Variants in PRDM16 observed in about 807,000 individuals in gnomAD.
PRDM16 encodes PR/SET domain 16, also known as histone-lysine N-methyltransferase PRDM16.
In PRDM16, 23 loss-of-function variants were observed where a neutral mutation model predicts 110.6. The ratio of observed to expected loss-of-function variants is 0.21; its 90% CI spans 0.15 to 0.29. PRDM16 has a LOEUF of 0.29. Ranked by LOEUF, PRDM16 falls within the 10% of genes least tolerant of loss-of-function variation. PRDM16 has a pLI of 1.00. For synonymous variants in PRDM16, 799 were observed against 781.8 expected, an observed-to-expected ratio of 1.02 and a Z score of -0.37; for missense variants, 1,615 against 1,794.3, an observed-to-expected ratio of 0.90 and a Z score of 1.81.
intron 1 of PRDM16, among the ~76,000 whole-genome samples, chr1:3,129,301 AGTGTCCTGCCTGGTGTGTGTGTGGGTGT>A (rs200385056): frequency 0.36 from 52,134 of 144,508 alleles, 9,333 homozygotes; most frequent in Middle Eastern, 0.44. Flanking sequence ...TGTGCGTGTC[AGTGTCCTGCCTGGTGTGTGTGTGGGTGT>A]GTGTCCTGCC....
At chr1:3,394,824 A>G (rs1343767791) in intron 4 of PRDM16, among the ~76,000 whole-genome samples, 1 of 149,642 alleles carries the variant, frequency 6.7e-6, no homozygotes, top group African/African-American at 2.5e-5. Flanking sequence ...TTTAAAAAAG[A>G]GACAATGATT....
chr1:3,222,227 C>T (rs1639167087), intron 2 of PRDM16, among the ~76,000 whole-genome samples: 1 of 151,632 alleles, frequency 6.6e-6, no homozygotes, highest in Admixed American at 6.6e-5. Flanking sequence ...CCCTCCCACC[C>T]ACCCAGCCCA....
intron 3 of PRDM16, among the ~76,000 whole-genome samples, chr1:3,335,214 C>A (rs1213668162): frequency 6.6e-6 from 1 of 152,196 alleles, no homozygotes; most frequent in African/African-American, 2.4e-5. Flanking sequence ...TGAGAGGAAG[C>A]GTGTTTGGGG....
At chr1:3,226,588 T>G (rs920140255) in intron 2 of PRDM16, among the ~76,000 whole-genome samples, 4 of 152,232 alleles carry the variant, frequency 2.6e-5, no homozygotes, top group Non-Finnish European at 4.4e-5. Flanking sequence ...TGTGAGATTT[T>G]CTGCAGAATT....
At chr1:3,267,609 G>A (rs1393125794) in intron 3 of PRDM16, among the ~76,000 whole-genome samples, 1 of 152,184 alleles carries the variant, frequency 6.6e-6, no homozygotes, top group African/African-American at 2.4e-5. Context: ...TTCACATCCC[G>A]GGGTGCCTGT....
chr1:3,357,789 C>A (rs1259265876), intron 3 of PRDM16, among the ~76,000 whole-genome samples: 1 of 152,220 alleles, frequency 6.6e-6, no homozygotes, highest in East Asian at 1.9e-4. Context: ...TTGTGGTTGT[C>A]ACCTCTGGGG....
intron 2 of PRDM16, among the ~76,000 whole-genome samples, chr1:3,200,682 T>C (rs1638601526): frequency 6.6e-6 from 1 of 152,158 alleles, no homozygotes; most frequent in Admixed American, 6.5e-5. Context: ...CTGCGTGGGA[T>C]CTGAAGAACA....
rs1313768737 is a variant in PRDM16, at chr1:3,277,985, T to C, written c.438+33848T>C. 2.0e-5 allele frequency among the ~76,000 whole-genome samples: 3 copies of C among 152,352 alleles called. No homozygotes were observed. The East Asian group carries it at 5.8e-4, about 29-fold the overall frequency. On this transcript the variant is annotated intron_variant, in intron 3 of 16. Coordinates refer to ENST00000270722, the MANE Select transcript of PRDM16 (RefSeq NM_022114.4). ...GGAGCTCTAGGTCAGCGATCATTGC[T>C]AGCAGGCCATGGGACCCTCTCATCT...
chr1:3,399,488 C>G (rs1350330712), intron 5 of PRDM16, among the ~76,000 whole-genome samples: 6 of 152,156 alleles, frequency 3.9e-5, no homozygotes, highest in African/African-American at 1.4e-4. Context: ...CCTGTCCATA[C>G]CACTCAGTAA....
chr1:3,419,232 C>CG (rs1358946485), intron 12 of PRDM16, among the ~76,000 whole-genome samples: 34 of 152,236 alleles, frequency 2.2e-4, no homozygotes, highest in African/African-American at 7.7e-4. Flanking sequence ...TCCCCACCCC[C>CG]CACTTGGAGC....
chr1:3,348,561 G>A (rs888829697), intron 3 of PRDM16, among the ~76,000 whole-genome samples: 4 of 152,232 alleles, frequency 2.6e-5, no homozygotes, highest in South Asian at 2.1e-4. Flanking sequence ...GGACATGCAC[G>A]CTTCTTAAAG....
intron 3 of PRDM16, among the ~76,000 whole-genome samples, chr1:3,360,282 C>T (rs757362931): frequency 1.3e-5 from 2 of 152,222 alleles, no homozygotes; most frequent in Non-Finnish European, 2.9e-5. Flanking sequence ...GGAGCCTGTG[C>T]TGGCTCTTTG....
intron 2 of PRDM16, among the ~76,000 whole-genome samples, chr1:3,231,244 A>G (rs1346979650): frequency 6.6e-6 from 1 of 152,194 alleles, no homozygotes; most frequent in East Asian, 1.9e-4. Context: ...AATCGCCACA[A>G]GAGGCTTTTG....
Position 3,434,054 on chromosome 1 carries a change from A to C in PRDM16, c.*243A>C, listed in dbSNP as rs1638845487. 1 of 470,820 alleles carries C rather than the reference A, an allele frequency of 2.1e-6. No individual in the cohort carries two copies. Among genetic ancestry groups the C allele is most frequent in the African/African-American group, 2.0e-5 (1 of 50,896 alleles). 29.2% of individuals were successfully genotyped at this position (470,820 alleles called of 1,614,324 possible). A position where few individuals can be genotyped will look rare whatever the true frequency, so the allele number is the denominator to read the frequency against. On this transcript the variant is annotated 3_prime_UTR_variant, in exon 17 of 17. Coordinates refer to ENST00000270722, the MANE Select transcript of PRDM16 (RefSeq NM_022114.4). ...GAACACTGTTCAGTGACGGCCATGC[A>C]GGTGGCCGTCCAAAGACAGCCAACG... is the stretch of plus-strand genomic sequence containing the variant.
rs1638841921 is a variant in PRDM16 at position 3,433,918 on chromosome 1, A to G, written c.*107A>G. 2.7e-6 allele frequency: 3 copies of G among 1,103,364 alleles called. No homozygotes were observed. Among genetic ancestry groups the G allele is most frequent in the Admixed American group, 2.5e-5 (1 of 40,446 alleles). 68.3% of individuals were successfully genotyped at this position (1,103,364 alleles called of 1,614,324 possible). A position where few individuals can be genotyped will look rare whatever the true frequency, so the allele number is the denominator to read the frequency against. ...CTGTCCCTGCGTGTGGCCACTCCTC[A>G]GCATCCTCCCCACCCACCATGGTTC... On this transcript the variant is annotated 3_prime_UTR_variant, in exon 17 of 17. Coordinates refer to ENST00000270722, the MANE Select transcript of PRDM16 (RefSeq NM_022114.4).
intron 3 of PRDM16, among the ~76,000 whole-genome samples, chr1:3,344,873 C>T (rs1284068834): frequency 1.3e-5 from 2 of 152,252 alleles, no homozygotes; most frequent in Admixed American, 1.3e-4. Context: ...GACTCAAATT[C>T]CAAAGCCCTG....
intron 2 of PRDM16, 88 bp downstream of exon 2, chr1:3,186,562 C>G: frequency 2.2e-6 from 2 of 898,288 alleles, no homozygotes; most frequent in Non-Finnish European, 3.3e-6. Context: ...AGCCACTGCC[C>G]GAGGCGGGAG....
chr1:3,401,677 C>T (rs1311566481), intron 5 of PRDM16, among the ~76,000 whole-genome samples: 1 of 152,226 alleles, frequency 6.6e-6, no homozygotes, highest in Non-Finnish European at 1.5e-5. Flanking sequence ...TATGCACACA[C>T]AACATAGCCA....
At chr1:3,409,077 G>A (rs373384509) in intron 8 of PRDM16, among the ~76,000 whole-genome samples, 11 of 151,358 alleles carry the variant, frequency 7.3e-5, no homozygotes, top group Admixed American at 6.6e-5. Flanking sequence ...ACGTGACAGC[G>A]TGAGTGTGGG....
Sources: gnomAD v4.1 joint callset for allele counts (sites outside exome capture counted in the v4.1 genomes callset) on GRCh38, gnomAD v4.1.1 for gene constraint, MANE v1.5 for transcripts, NCBI Gene and HGNC (gene_info 2026-07-23, HGNC 2026-07-21) for gene names.